Variants in CELF2 observed in about 807,000 individuals in gnomAD.
CELF2 encodes the protein CUGBP Elav-like family member 2.
A neutral mutation model predicts 62.6 loss-of-function variants in CELF2; 8 were observed. The observed-to-expected ratio is 0.13, with a 90% CI of 0.07 to 0.23. The LOEUF is 0.23. Among genes scored for constraint, CELF2 ranks in the 10% least tolerant of loss-of-function variants. The pLI is 1.00. For missense variants in CELF2, 333 were observed against 671.0 expected (o/e 0.50, Z 5.56); for synonymous variants, 258 against 250.0 (o/e 1.03, Z -0.30).
chr10:11,133,976 C>T (rs771230937), intron 1 of CELF2, among the ~76,000 whole-genome samples: 5 of 152,134 alleles, frequency 3.3e-5, no homozygotes, highest in Admixed American at 2.0e-4. Flanking sequence ...AGTTGTCTTT[C>T]GTTTGTCACA....
chr10:10,928,845 G>T lies in CELF2; in HGVS notation c.89+8846G>T, dbSNP rs1009724160. ...ACACACTAAAATCCTATTACTATTT[G>T]TTGTTTGTCCCCAGTGCCTAGCAGT... is the stretch of plus-strand genomic sequence containing the variant. On this transcript the variant is annotated intron_variant, in intron 2 of 13. Coordinates refer to the CELF2 transcript ENST00000636488. This position sits in a 1 kb window ranked among gnomAD's most constrained non-coding sequence, Gnocchi z 4.8. Among the ~76,000 whole-genome samples the T allele has an allele frequency of 7.2e-5, 11 of 152,154 alleles. No individual in the cohort carries two copies. Among genetic ancestry groups the T allele is most frequent in the Non-Finnish European group, 1.2e-4 (8 of 68,012 alleles).
intron 8 of CELF2, among the ~76,000 whole-genome samples, chr10:11,287,332 C>T (rs1299720621): frequency 6.6e-6 from 1 of 152,046 alleles, no homozygotes; most frequent in Non-Finnish European, 1.5e-5. Context: ...ATCATAGAAA[C>T]ATAATTTGAC....
At chr10:10,545,372 A>G in the CELF2 span, among the ~76,000 whole-genome samples, 2 of 152,166 alleles carry the variant, frequency 1.3e-5, no homozygotes, top group African/African-American at 4.8e-5. Context: ...ATGGCTAGTA[A>G]TCCCGTCACT....
At chr10:10,802,876 C>G (rs1299877732) in intron 1 of CELF2, among the ~76,000 whole-genome samples, 3 of 152,190 alleles carry the variant, frequency 2.0e-5, no homozygotes, top group African/African-American at 7.2e-5. Flanking sequence ...TTAAAGATGT[C>G]AAAAGCTCAA....
chr10:11,327,094 A>G (rs1226205200), intron 12 of CELF2, among the ~76,000 whole-genome samples: 1 of 151,682 alleles, frequency 6.6e-6, no homozygotes, highest in Non-Finnish European at 1.5e-5. Flanking sequence ...TTACCCTAGC[A>G]GCAAGGCTGT....
intron 1 of CELF2, among the ~76,000 whole-genome samples, chr10:11,094,683 T>C (rs577509638): frequency 5.7e-4 from 87 of 152,330 alleles, no homozygotes; most frequent in African/African-American, 2.1e-3. Context: ...TTAAGCACTC[T>C]GGGAAAAAGA....
intron 1 of CELF2, among the ~76,000 whole-genome samples, chr10:11,133,055 A>G (rs1365215611): frequency 6.6e-6 from 1 of 152,204 alleles, no homozygotes. Flanking sequence ...GAAAACATAA[A>G]ACTATAAAGA....
the CELF2 span, among the ~76,000 whole-genome samples, chr10:10,504,312 C>T: frequency 6.6e-6 from 1 of 152,068 alleles, no homozygotes; most frequent in African/African-American, 2.4e-5. Context: ...TTTTCCCCTT[C>T]ATTCTTGAAG....
rs542956677 is a variant in CELF2 at position 11,227,399 on chromosome 10, C to T, written c.354+9892C>T. 1.3e-5 allele frequency among the ~76,000 whole-genome samples: 2 copies of T among 152,324 alleles called. No homozygotes were observed. The highest frequency in any genetic ancestry group is 2.9e-5 in the Non-Finnish European group (2 of 68,028). ...CACAGATGGCACAGCAGGATGAACA[C>T]GGCCCCATGAGACAGCGCTGCTGCT... On this transcript the variant is annotated intron_variant, in intron 3 of 12. Transcript: ENST00000633077. This position sits in a 1 kb window ranked among gnomAD's most constrained non-coding sequence, Gnocchi z 4.8.
the CELF2 span, among the ~76,000 whole-genome samples, chr10:10,587,886 G>T: frequency 6.6e-6 from 1 of 151,892 alleles, no homozygotes; most frequent in South Asian, 2.1e-4. Context: ...AAGATCCCAG[G>T]GCATGTTATA....
chr10:11,197,833 C>T (rs975201852), intron 2 of CELF2, among the ~76,000 whole-genome samples: 2 of 152,222 alleles, frequency 1.3e-5, no homozygotes, highest in Non-Finnish European at 2.9e-5. Flanking sequence ...TATGAGGACT[C>T]TTCTGTAGCG....
intron 2 of CELF2, among the ~76,000 whole-genome samples, chr10:10,998,774 T>C (rs2136933017): frequency 6.6e-6 from 1 of 152,296 alleles, no homozygotes; most frequent in Non-Finnish European, 1.5e-5. Context: ...AAAATTACAC[T>C]GGCTTCTGAT....
At chr10:11,141,023 T>A (rs917313030) in intron 1 of CELF2, among the ~76,000 whole-genome samples, 1 of 152,178 alleles carries the variant, frequency 6.6e-6, no homozygotes, top group Admixed American at 6.5e-5. Context: ...CTTAAAAAAA[T>A]AAAGCATAGT....
chr10:10,834,309 G>A (rs932700860), intron 1 of CELF2, among the ~76,000 whole-genome samples: 2 of 152,212 alleles, frequency 1.3e-5, no homozygotes, highest in Admixed American at 6.5e-5. Context: ...GGGCCTATCA[G>A]AGGGTGGAGG....
At chr10:11,140,485 C>G (rs952882340) in intron 1 of CELF2, among the ~76,000 whole-genome samples, 2 of 152,040 alleles carry the variant, frequency 1.3e-5, no homozygotes, top group Non-Finnish European at 2.9e-5. Context: ...GCAATAGTCA[C>G]CCGTCCATCC....
At chr10:11,104,549 G>A (rs574848167) in intron 1 of CELF2, among the ~76,000 whole-genome samples, 2 of 152,176 alleles carry the variant, frequency 1.3e-5, no homozygotes, top group Admixed American at 6.5e-5. Flanking sequence ...CAGGTGTGTG[G>A]TGTGTGCCTA....
At chr10:10,730,599 A>C in the CELF2 span, among the ~76,000 whole-genome samples, 1 of 152,276 alleles carries the variant, frequency 6.6e-6, no homozygotes, top group African/African-American at 2.4e-5. Flanking sequence ...AGATGGATAG[A>C]TGCAGAGATG....
the CELF2 span, among the ~76,000 whole-genome samples, chr10:10,680,951 T>A: frequency 6.6e-6 from 1 of 152,362 alleles, no homozygotes; most frequent in East Asian, 1.9e-4. Flanking sequence ...GTTACAGAAA[T>A]ATGTAGACAT....
At chr10:11,109,302 T>C (rs2054491645) in intron 1 of CELF2, among the ~76,000 whole-genome samples, 1 of 152,204 alleles carries the variant, frequency 6.6e-6, no homozygotes. Flanking sequence ...AGTTGCCACA[T>C]ATCCATGAAT....
Sources: allele counts gnomAD v4.1 joint callset (sites outside exome capture counted in the v4.1 genomes callset), GRCh38; gene constraint gnomAD v4.1.1; non-coding constraint Gnocchi (gnomAD v3.1); transcripts MANE v1.5; gene names NCBI Gene and HGNC (gene_info 2026-07-23, HGNC 2026-07-21).